CAMTA1: variants seen among roughly 807,000 people sequenced by gnomAD.
CAMTA1 encodes calmodulin binding transcription activator 1.
In CAMTA1, 27 loss-of-function variants were observed where a neutral mutation model predicts 170.9. The observed-to-expected ratio is 0.16, with a 90% CI of 0.12 to 0.22. The LOEUF (loss-of-function observed/expected upper bound fraction) is 0.22, where lower values mean the gene tolerates loss of function less well. Among genes scored for constraint, CAMTA1 ranks in the 10% least tolerant of loss-of-function variants. The pLI, the probability that CAMTA1 is intolerant of heterozygous loss-of-function variation, is 1.00. For missense variants in CAMTA1, 1,619 were observed against 2,217.2 expected, an observed-to-expected ratio of 0.73 and a Z score of 5.42; for synonymous variants, 833 against 891.5, an observed-to-expected ratio of 0.93 and a Z score of 1.17.
At chr1:6,800,226 T>C (rs1483151707) in intron 1 of CAMTA1, among the ~76,000 whole-genome samples, 1 of 152,112 alleles carries the variant, frequency 6.6e-6, no homozygotes, top group Non-Finnish European at 1.5e-5. Context: ...GGCAACATAG[T>C]GAGACCTTGT....
chr1:7,310,680 C>CTTTCTT (rs71571884), intron 5 of CAMTA1, among the ~76,000 whole-genome samples: 27 of 35,390 alleles, frequency 7.6e-4, no homozygotes, highest in African/African-American at 1.1e-3. Context: ...TCCTTTCTTT[C>CTTTCTT]TCTCTCTCTC....
At chr1:7,198,613 C>T (rs191689846) in intron 4 of CAMTA1, among the ~76,000 whole-genome samples, 81 of 152,216 alleles carry the variant, frequency 5.3e-4, no homozygotes, top group South Asian at 3.5e-3. Flanking sequence ...CCCTTGGCCA[C>T]GCTGCGCTGG....
At chr1:7,108,897 C>G (rs1025544945) in intron 4 of CAMTA1, among the ~76,000 whole-genome samples, 2 of 152,176 alleles carry the variant, frequency 1.3e-5, no homozygotes, top group Admixed American at 6.5e-5. Flanking sequence ...CAAAGTGTTG[C>G]TGGGGCTGCA....
In CAMTA1 at chr1:7,333,439, AAC is replaced by A. The variant is rs2149758154; in HGVS notation, c.438+83818_438+83819del. On this transcript the variant is annotated intron_variant, in intron 5 of 22. Transcript: ENST00000303635. This position sits in a 1 kb window ranked among gnomAD's most constrained non-coding sequence, Gnocchi z 4.4. ...GGTCACAGGTGGAACAGGTGGAGAG[AAC>A]ACACCGTTCTCTCTGCTGTGAAATT... 6.6e-6 allele frequency among the ~76,000 whole-genome samples: 1 copy of A among 152,288 alleles called. No homozygotes were observed. Among genetic ancestry groups the A allele is most frequent in the South Asian group, 2.1e-4 (1 of 4,810 alleles).
At chr1:7,735,565 A>C (rs934822573) in intron 12 of CAMTA1, among the ~76,000 whole-genome samples, 1 of 152,180 alleles carries the variant, frequency 6.6e-6, no homozygotes, top group Non-Finnish European at 1.5e-5. Flanking sequence ...TACTGCCTAC[A>C]GGAAGGCTAG....
intron 11 of CAMTA1, among the ~76,000 whole-genome samples, chr1:7,718,289 T>C (rs573428110): frequency 1.3e-5 from 2 of 150,182 alleles, no homozygotes; most frequent in Admixed American, 6.6e-5. Context: ...GAGTCCGTTC[T>C]GGCCGGATTC....
chr1:6,953,810 TA>T (rs1362755380), intron 3 of CAMTA1, among the ~76,000 whole-genome samples: 1 of 151,936 alleles, frequency 6.6e-6, no homozygotes, highest in African/African-American at 2.4e-5. Flanking sequence ...TAATCCTACA[TA>T]AAATGGCTGA....
intron 11 of CAMTA1, among the ~76,000 whole-genome samples, chr1:7,691,979 A>AGGAG (rs60935131): frequency 9.9e-5 from 14 of 140,874 alleles, no homozygotes; most frequent in South Asian, 2.4e-4. Context: ...AAGGGAAGGA[A>AGGAG]GGAGGGAGGG....
At chr1:7,309,460 C>T (rs531905943) in intron 5 of CAMTA1, among the ~76,000 whole-genome samples, 26 of 151,618 alleles carry the variant, frequency 1.7e-4, no homozygotes, top group East Asian at 9.7e-4. Context: ...CCACTACGCC[C>T]GGCTAATTTT....
chr1:7,558,083 C>A (rs989215844), intron 6 of CAMTA1, among the ~76,000 whole-genome samples: 1 of 152,170 alleles, frequency 6.6e-6, no homozygotes, highest in Non-Finnish European at 1.5e-5. Flanking sequence ...TGGCTCTCTG[C>A]CACTCCCCCA....
Position 7,493,194 on chromosome 1 carries a change from CACACAA to C in CAMTA1, c.510+25302_510+25307del, listed in dbSNP as rs1183213771. ...GCGCACACAAATACAAACACGCACA[CACACAA>C]ACACAAACCTACATACACACGCACA... On this transcript the variant is annotated intron_variant, in intron 6 of 22. Transcript: ENST00000303635. 2.7e-5 allele frequency among the ~76,000 whole-genome samples: 4 copies of C among 149,406 alleles called. 1 individual carries two copies. Among genetic ancestry groups the C allele is most frequent in the South Asian group, 2.1e-4 (1 of 4,744 alleles).
At chr1:7,466,480 C>G (rs980496667) in intron 5 of CAMTA1, among the ~76,000 whole-genome samples, 1 of 152,186 alleles carries the variant, frequency 6.6e-6, no homozygotes, top group African/African-American at 2.4e-5. Flanking sequence ...GGCAGGGCTC[C>G]GATGGACTCC....
chr1:7,647,287 G>GC lies in CAMTA1; in HGVS notation c.664+6734_664+6735insC, dbSNP rs1453000371. Among the ~76,000 whole-genome samples, 21 of 151,752 alleles carry GC rather than the reference G, an allele frequency of 1.4e-4. No homozygotes were observed. The East Asian group carries it at 3.9e-3, about 28-fold the overall frequency. ...AGACCAAAGATCCAGAAGGGGGGGG[G>GC]GCTGTGTTTATTTGTTTTGTTTTTT... On this transcript the variant is annotated intron_variant, in intron 7 of 22. Transcript: ENST00000303635.
At chr1:7,579,547 C>CTTTTTTTTT (rs2095237893) in intron 6 of CAMTA1, among the ~76,000 whole-genome samples, 1 of 111,462 alleles carries the variant, frequency 9.0e-6, no homozygotes, top group African/African-American at 4.1e-5. Flanking sequence ...CTTTTCTTTT[C>CTTTTTTTTT]TTTTCTTTTT....
chr1:7,179,609 C>A (rs868748342), intron 4 of CAMTA1, among the ~76,000 whole-genome samples: 6 of 152,202 alleles, frequency 3.9e-5, no homozygotes, highest in Admixed American at 6.5e-5. Flanking sequence ...GATGAAAATA[C>A]CCTATCATCT....
chr1:6,829,490 G>A (rs1202453944), intron 3 of CAMTA1, among the ~76,000 whole-genome samples: 1 of 152,182 alleles, frequency 6.6e-6, no homozygotes, highest in Non-Finnish European at 1.5e-5. Context: ...TCCTCAGGTG[G>A]TAAAGATGAC....
At position 7,674,859 on chromosome 1, in the gene CAMTA1, A is replaced by G. The variant is rs1190257409; in HGVS notation, c.2780-2740A>G. On this transcript the variant is annotated intron_variant, in intron 10 of 22. Coordinates refer to ENST00000303635, the MANE Select transcript of CAMTA1 (RefSeq NM_015215.4). This position sits in a 1 kb window ranked among gnomAD's most constrained non-coding sequence, Gnocchi z 4.1. Reference sequence around the variant, plus strand: ...AAAACAATTCATTCAACAAATAGTTACTGAGCCGCCATAACATCCTGGGCA... The same window carrying G: ...AAAACAATTCATTCAACAAATAGTTGCTGAGCCGCCATAACATCCTGGGCA... 1.3e-5 allele frequency among the ~76,000 whole-genome samples: 2 copies of G among 152,230 alleles called. No individual in the cohort carries two copies. The highest frequency in any genetic ancestry group is 2.9e-5 in the Non-Finnish European group (2 of 68,040).
At chr1:7,367,962 T>C (rs1043289477) in intron 5 of CAMTA1, among the ~76,000 whole-genome samples, 2 of 145,950 alleles carry the variant, frequency 1.4e-5, no homozygotes, top group African/African-American at 2.6e-5. Flanking sequence ...GATGGTTTCA[T>C]TGGGTGCATG....
At chr1:7,399,952 G>A (rs879514775) in intron 5 of CAMTA1, among the ~76,000 whole-genome samples, 14 of 152,140 alleles carry the variant, frequency 9.2e-5, no homozygotes, top group South Asian at 2.1e-4. Flanking sequence ...CCTTGGAGAG[G>A]ACCTCTTTGG....
Sources: allele counts gnomAD v4.1 joint callset (sites outside exome capture counted in the v4.1 genomes callset), GRCh38; gene constraint gnomAD v4.1.1; non-coding constraint Gnocchi (gnomAD v3.1); transcripts MANE v1.5; gene names NCBI Gene and HGNC (gene_info 2026-07-23, HGNC 2026-07-21).